The following UBTD2 variants were observed in gnomAD, a reference collection of about 807,000 sequenced individuals.
UBTD2 encodes ubiquitin domain-containing protein 2.
Under a neutral mutation model 19.8 loss-of-function variants are expected in UBTD2, and 9 were observed. The observed-to-expected ratio is 0.46, with a 90% CI of 0.27 to 0.79. UBTD2 has a LOEUF of 0.79. Ranked by LOEUF, UBTD2 falls within the 30% of genes least tolerant of loss-of-function variation. The pLI, the probability that UBTD2 is intolerant of heterozygous loss-of-function variation, is 0.14. For synonymous variants in UBTD2, 98 were observed against 103.9 expected (o/e 0.94, Z 0.35); for missense variants, 250 against 300.4 (o/e 0.83, Z 1.24).
chr5:172,279,696 T>C (rs763912808), intron 1 of UBTD2, among the ~76,000 whole-genome samples: 10 of 152,254 alleles, frequency 6.6e-5, no homozygotes, highest in African/African-American at 9.6e-5. Context: ...TACAATTTTA[T>C]TGGATTTTCT....
intron 1 of UBTD2, among the ~76,000 whole-genome samples, chr5:172,263,021 G>A (rs549540496): frequency 8.6e-5 from 13 of 151,782 alleles, no homozygotes; most frequent in Non-Finnish European, 1.8e-4. Flanking sequence ...GCTCACTGCA[G>A]CCACGACCTC....
chr5:172,247,385 C>G (rs1345404680), intron 1 of UBTD2, among the ~76,000 whole-genome samples: 1 of 151,966 alleles, frequency 6.6e-6, no homozygotes, highest in African/African-American at 2.4e-5. Context: ...GGTGCAGTGG[C>G]TCACACCTGT....
intron 1 of UBTD2, among the ~76,000 whole-genome samples, chr5:172,239,862 C>G (rs1772092065): frequency 6.6e-6 from 1 of 152,114 alleles, no homozygotes; most frequent in African/African-American, 2.4e-5. Flanking sequence ...CGAGATCACA[C>G]CATTGCACTC....
At chr5:172,270,082 A>T (rs957230272) in intron 1 of UBTD2, among the ~76,000 whole-genome samples, 1 of 150,524 alleles carries the variant, frequency 6.6e-6, no homozygotes, top group Non-Finnish European at 1.5e-5. Context: ...GTCTCAATTT[A>T]AAAACAAAAA....
chr5:172,234,856 CATGA>C, intron 1 of UBTD2, among the ~76,000 whole-genome samples: 1 of 70,154 alleles, frequency 1.4e-5, no homozygotes, highest in African/African-American at 5.7e-5. Flanking sequence ...TGCAGTGAGC[CATGA>C]TCATGCCACT....
intron 1 of UBTD2, among the ~76,000 whole-genome samples, chr5:172,276,475 T>C (rs7720214): frequency 1.2e-3 from 189 of 151,830 alleles, no homozygotes; most frequent in African/African-American, 4.3e-3. Context: ...TTCATAACCA[T>C]TCTTCTATCT....
At chr5:172,270,510 C>G (rs750604116) in intron 1 of UBTD2, among the ~76,000 whole-genome samples, 1 of 151,844 alleles carries the variant, frequency 6.6e-6, no homozygotes, top group Non-Finnish European at 1.5e-5. Flanking sequence ...CGCCCACCAC[C>G]ACGCCAGGCT....
At chr5:172,274,298 G>T (rs1404193021) in intron 1 of UBTD2, among the ~76,000 whole-genome samples, 1 of 151,814 alleles carries the variant, frequency 6.6e-6, no homozygotes, top group Non-Finnish European at 1.5e-5. Context: ...GTGCCACCAT[G>T]CCCAGCTAAT....
rs1364168819 is a variant in UBTD2 at position 172,219,073 on chromosome 5, G to C, written c.308-6846C>G. The stretch of plus-strand genomic sequence containing the variant: ...ACCCATTCCTTGAAAGACACAATCT[G>C]CCAAAACTCACACAAAACAGACAAT... On this transcript the variant is annotated intron_variant, in intron 2 of 2. Transcript: ENST00000393792. Among the ~76,000 whole-genome samples the C allele has an allele frequency of 3.9e-5, 6 of 152,192 alleles. No individual in the cohort carries two copies. In the East Asian group the frequency reaches 1.2e-3, roughly 29 times the overall value.
At position 172,283,121 on chromosome 5, in the gene UBTD2, TCA is replaced by T. The variant is rs1383032231; in HGVS notation, c.70+473_70+474del. ...AATCTGGAACCAACCGGGGCAGCTG[TCA>T]TCTGAAACTCAGGAAAGCTGAGACC... On this transcript the variant is annotated intron_variant, in intron 1 of 2. Coordinates refer to ENST00000393792, the MANE Select transcript of UBTD2 (RefSeq NM_152277.3). The surrounding 1 kb of genome is among the most constrained non-coding windows in gnomAD (Gnocchi z 4.3). 1.3e-5 allele frequency among the ~76,000 whole-genome samples: 2 copies of T among 152,018 alleles called. No individual in the cohort carries two copies. The highest frequency in any genetic ancestry group is 4.8e-5 in the African/African-American group (2 of 41,394).
chr5:172,250,631 T>A (rs555613965), intron 1 of UBTD2, among the ~76,000 whole-genome samples: 1 of 152,120 alleles, frequency 6.6e-6, no homozygotes, highest in East Asian at 1.9e-4. Context: ...ATGGAGATAA[T>A]AGTGAATTGT....
chr5:172,244,929 T>C (rs915576870), intron 1 of UBTD2, among the ~76,000 whole-genome samples: 4 of 152,070 alleles, frequency 2.6e-5, no homozygotes, highest in South Asian at 2.1e-4. Context: ...GGTTTCACCA[T>C]GTTGGCCAGG....
At chr5:172,238,924 C>T (rs571176722) in intron 1 of UBTD2, among the ~76,000 whole-genome samples, 7 of 152,152 alleles carry the variant, frequency 4.6e-5, no homozygotes, top group African/African-American at 1.7e-4. Flanking sequence ...AAGACAATAG[C>T]GTGAGGGGAA....
At chr5:172,229,257 T>C (rs568192969) in intron 2 of UBTD2, among the ~76,000 whole-genome samples, 4 of 151,836 alleles carry the variant, frequency 2.6e-5, no homozygotes, top group Admixed American at 2.0e-4. Flanking sequence ...TCCCAGCACT[T>C]TGGGAGGCCG....
chr5:172,278,928 C>G (rs1755660076), intron 1 of UBTD2, among the ~76,000 whole-genome samples: 1 of 152,142 alleles, frequency 6.6e-6, no homozygotes, highest in Non-Finnish European at 1.5e-5. Flanking sequence ...GCACTCGCCA[C>G]CACCACACCC....
At chr5:172,271,436 A>AG (rs1460793886) in intron 1 of UBTD2, among the ~76,000 whole-genome samples, 1 of 150,890 alleles carries the variant, frequency 6.6e-6, no homozygotes, top group African/African-American at 2.4e-5. Flanking sequence ...CTCAAAAGAA[A>AG]AAAAAAAAAA....
rs149406270 is a variant in UBTD2 at position 172,214,120 on chromosome 5, G to A, written c.308-1893C>T. 9.1e-4 allele frequency among the ~76,000 whole-genome samples: 139 copies of A among 152,286 alleles called. No homozygotes were observed. In the Middle Eastern group the frequency reaches 0.01, roughly 11 times the overall value. ...CTTAATGAATGTTTTAAGGTTATAC[G>A]TAACATATCGTTTCCCCAAACTAGA... On this transcript the variant is annotated intron_variant, in intron 2 of 2. Transcript: ENST00000393792.
chr5:172,280,727 A>G lies in UBTD2; in HGVS notation c.70+2869T>C, dbSNP rs528043087. Among the ~76,000 whole-genome samples the G allele has an allele frequency of 5.3e-5, 8 of 152,328 alleles. No individual in the cohort carries two copies. The South Asian group carries it at 1.7e-3, about 32-fold the overall frequency. On this transcript the variant is annotated intron_variant, in intron 1 of 2. Coordinates refer to ENST00000393792, the MANE Select transcript of UBTD2 (RefSeq NM_152277.3). ...AGCTGGAGCTCAAGAACTAAATTCT[A>G]GGCAAGGTATATGCCAAAGGAAAAT...
intron 1 of UBTD2, among the ~76,000 whole-genome samples, chr5:172,271,523 T>C (rs960025758): frequency 6.6e-6 from 1 of 151,950 alleles, no homozygotes; most frequent in Non-Finnish European, 1.5e-5. Flanking sequence ...ACTTACATAA[T>C]ATTCATTGCT....
Sources: gnomAD v4.1 joint callset for allele counts (sites outside exome capture counted in the v4.1 genomes callset) on GRCh38, gnomAD v4.1.1 for gene constraint, Gnocchi (gnomAD v3.1) non-coding constraint, MANE v1.5 for transcripts, NCBI Gene and HGNC (gene_info 2026-07-23, HGNC 2026-07-21) for gene names.